NEDD4L: variants seen among roughly 807,000 people sequenced by gnomAD.
NEDD4L encodes the protein NEDD4 like E3 ubiquitin protein ligase.
Under a neutral mutation model 148.9 loss-of-function variants are expected in NEDD4L, and 54 were observed. That is an observed-to-expected ratio of 0.36 (90% CI 0.29 to 0.45). The LOEUF is 0.45. Among genes scored for constraint, NEDD4L ranks in the 20% least tolerant of loss-of-function variants. The pLI is 1.00. For missense variants in NEDD4L, 856 were observed against 1,233.8 expected (o/e 0.69, Z 4.59); for synonymous variants, 433 against 440.7 (o/e 0.98, Z 0.22).
chr18:58,239,228 A>G (rs2148312796), intron 2 of NEDD4L, among the ~76,000 whole-genome samples: 1 of 152,348 alleles, frequency 6.6e-6, no homozygotes, highest in South Asian at 2.1e-4. Context: ...GGGAGCAAAG[A>G]CACAATCTTT....
At chr18:58,076,422 G>A (rs2083161952) in intron 1 of NEDD4L, among the ~76,000 whole-genome samples, 2 of 152,160 alleles carry the variant, frequency 1.3e-5, no homozygotes, top group African/African-American at 4.8e-5. Context: ...CCCCAGGCTT[G>A]AGTCTATTAA....
At chr18:58,050,428 C>T (rs1420638690) in intron 1 of NEDD4L, among the ~76,000 whole-genome samples, 3 of 152,002 alleles carry the variant, frequency 2.0e-5, no homozygotes, top group Non-Finnish European at 4.4e-5. Context: ...CGAGATCGCA[C>T]CACTGCACTC....
intron 2 of NEDD4L, among the ~76,000 whole-genome samples, chr18:58,166,969 T>G (rs779431884): frequency 6.6e-5 from 10 of 152,240 alleles, no homozygotes; most frequent in Non-Finnish European, 1.3e-4. Flanking sequence ...TTTTCTCACC[T>G]GTGATTGATC....
intron 2 of NEDD4L, among the ~76,000 whole-genome samples, chr18:58,192,427 A>G (rs752020282): frequency 2.6e-5 from 4 of 152,090 alleles, no homozygotes; most frequent in African/African-American, 4.8e-5. Flanking sequence ...TAGGCTTCCT[A>G]TTTTCTCAAA....
At chr18:58,246,758 C>A (rs958544742) in intron 3 of NEDD4L, among the ~76,000 whole-genome samples, 7 of 152,130 alleles carry the variant, frequency 4.6e-5, no homozygotes, top group African/African-American at 1.4e-4. Context: ...AGCCACTGTG[C>A]CTAGCCAATA....
At chr18:58,129,843 G>A (rs1419909330) in intron 1 of NEDD4L, among the ~76,000 whole-genome samples, 2 of 151,484 alleles carry the variant, frequency 1.3e-5, no homozygotes, top group African/African-American at 4.9e-5. Context: ...CTGTGGTGGT[G>A]TTGGGCTCTG....
chr18:58,358,540 G>A (rs372321576), intron 19 of NEDD4L, among the ~76,000 whole-genome samples: 15 of 152,194 alleles, frequency 9.9e-5, no homozygotes, highest in East Asian at 3.9e-4. Flanking sequence ...ATTACCGGCC[G>A]TCACTCAAAC....
At chr18:58,244,562 T>C (rs1381196435) in intron 2 of NEDD4L, among the ~76,000 whole-genome samples, 1 of 152,248 alleles carries the variant, frequency 6.6e-6, no homozygotes, top group Non-Finnish European at 1.5e-5. Context: ...CTGGGACTTG[T>C]AGTCGAGAAA....
At chr18:58,336,434 G>A (rs904295660) in intron 13 of NEDD4L, among the ~76,000 whole-genome samples, 5 of 152,022 alleles carry the variant, frequency 3.3e-5, no homozygotes, top group Non-Finnish European at 5.9e-5. Flanking sequence ...AAAATTAGCC[G>A]GGCGTGGTGG....
At position 58,175,232 on chromosome 18, in the gene NEDD4L, T is replaced by C. The variant is rs145596399; in HGVS notation, c.122+9371T>C. Among the ~76,000 whole-genome samples the C allele has an allele frequency of 6.8e-4, 103 of 152,376 alleles. No homozygotes were observed. In the East Asian group the frequency reaches 0.019, roughly 29 times the overall value. ...TCTAGCCACACTGGGCCTGCATCTGTGCAAGGCTGCATGGCTAGAGGTGTG... is the reference window on the plus strand; with the variant it reads ...TCTAGCCACACTGGGCCTGCATCTGCGCAAGGCTGCATGGCTAGAGGTGTG... On this transcript the variant is annotated intron_variant, in intron 2 of 30. Coordinates refer to ENST00000400345, the MANE Select transcript of NEDD4L (RefSeq NM_001144967.3).
intron 2 of NEDD4L, among the ~76,000 whole-genome samples, chr18:58,183,279 A>G (rs1212402064): frequency 2.0e-5 from 3 of 151,866 alleles, no homozygotes; most frequent in African/African-American, 7.3e-5. Flanking sequence ...CTCCAAATAA[A>G]CCCTGTGCCT....
At chr18:58,394,529 C>T (rs1007907338) in intron 30 of NEDD4L, among the ~76,000 whole-genome samples, 1 of 152,234 alleles carries the variant, frequency 6.6e-6, no homozygotes, top group Non-Finnish European at 1.5e-5. Flanking sequence ...GTGAAAGGCT[C>T]TTTTAAATGC....
In NEDD4L at chr18:58,358,629, C is replaced by T. The variant is rs574498424; in HGVS notation, c.1767+1377C>T. Among the ~76,000 whole-genome samples the T allele has an allele frequency of 2.2e-3, 278 of 127,794 alleles. 1 individual carries two copies. The highest frequency in any genetic ancestry group is 3.8e-3 in the Non-Finnish European group (237 of 61,938). 83.8% of individuals were successfully genotyped at this position (127,794 alleles called of 152,430 possible). A position where few individuals can be genotyped will look rare whatever the true frequency, so the allele number is the denominator to read the frequency against. On this transcript the variant is annotated intron_variant, in intron 19 of 30. Transcript: ENST00000400345. ...GTAGATTTGCCCCCAAGAAAGAGCT[C>T]TCTGCTTTCTGTTAATAAAAGACCC...
rs1269765837 is a variant in NEDD4L at position 58,397,368 on chromosome 18, A to G, written c.*1099A>G. ...CTGGTTTTGTTTTTATTTTTTTATCATGAACATTAAATGTGATGATGATTT... is the reference window on the plus strand; with the variant it reads ...CTGGTTTTGTTTTTATTTTTTTATCGTGAACATTAAATGTGATGATGATTT... On this transcript the variant is annotated 3_prime_UTR_variant, in exon 31 of 31. Coordinates refer to ENST00000400345, the MANE Select transcript of NEDD4L (RefSeq NM_001144967.3). The G allele has an allele frequency of 6.6e-6, 1 of 152,604 alleles. No individual in the cohort carries two copies. Among genetic ancestry groups the G allele is most frequent in the Non-Finnish European group, 1.5e-5 (1 of 68,034 alleles). 9.5% of individuals were successfully genotyped at this position (152,604 alleles called of 1,614,324 possible).
chr18:58,168,970 C>T (rs1008561842), intron 2 of NEDD4L, among the ~76,000 whole-genome samples: 1 of 151,660 alleles, frequency 6.6e-6, no homozygotes, highest in Admixed American at 6.6e-5. Context: ...GGGCGGGTGA[C>T]GGTGGGAGGA....
chr18:58,044,744 G>C, intron 1 of NEDD4L, 36 bp downstream of exon 1: 1 of 1,599,010 alleles, frequency 6.3e-7, no homozygotes, highest in Non-Finnish European at 8.5e-7. Context: ...GGACTCCCCG[G>C]GGAGTTCCTA....
At chr18:58,060,497 C>T (rs940095707) in intron 1 of NEDD4L, among the ~76,000 whole-genome samples, 7 of 152,010 alleles carry the variant, frequency 4.6e-5, no homozygotes, top group Non-Finnish European at 7.4e-5. Flanking sequence ...CAGAGCTGTC[C>T]AGGCAGAAAT....
chr18:58,295,428 G>T (rs776813144), intron 5 of NEDD4L, among the ~76,000 whole-genome samples: 9 of 152,052 alleles, frequency 5.9e-5, no homozygotes, highest in Non-Finnish European at 1.2e-4. Flanking sequence ...GTTCCTCCGT[G>T]CCTCTTCATG....
Position 58,330,773 on chromosome 18 carries a change from T to A in NEDD4L, c.849T>A (p.Ala283=), listed in dbSNP as rs2059726343. 6.2e-6 allele frequency: 10 copies of A among 1,611,572 alleles called. No individual in the cohort carries two copies. Among genetic ancestry groups the A allele is most frequent in the Non-Finnish European group, 8.5e-6 (10 of 1,178,402 alleles). ...WETISEEVNI[A]GDSLGLALPP... is the part of the protein sequence containing the mutation. ...CCATTTCAGAGGAAGTGAATATCGC[T>A]GGAGACTCTCTCGGTCTGGCTCTGC... Residue 283 remains alanine (A), a synonymous_variant, in exon 11 of 31, where the codon GCT becomes GCA. Transcript: ENST00000400345.
Sources: allele counts gnomAD v4.1 joint callset (sites outside exome capture counted in the v4.1 genomes callset), GRCh38; gene constraint gnomAD v4.1.1; transcripts MANE v1.5; gene names NCBI Gene and HGNC (gene_info 2026-07-23, HGNC 2026-07-21).